The following PTCH1 variants were observed in gnomAD, a reference collection of about 807,000 sequenced individuals.
PTCH1 encodes the protein patched 1.
In PTCH1, 14 loss-of-function variants were observed where a neutral mutation model predicts 144.6. The ratio of observed to expected loss-of-function variants is 0.10; its 90% CI spans 0.06 to 0.15. The LOEUF is 0.15. Ranked by LOEUF, PTCH1 falls within the 10% of genes least tolerant of loss-of-function variation. PTCH1 has a pLI of 1.00. For missense variants in PTCH1, 1,623 were observed against 1,948.3 expected, an observed-to-expected ratio of 0.83 and a Z score of 3.14; for synonymous variants, 833 against 793.6, an observed-to-expected ratio of 1.05 and a Z score of -0.83.
rs1387715213 is a variant in PTCH1 at position 95,453,214 on chromosome 9, C to T, written c.3449+264G>A. 5 of 442,598 alleles carry T rather than the reference C, an allele frequency of 1.1e-5. No homozygotes were observed. The East Asian group carries it at 1.9e-4, about 17-fold the overall frequency. 27.4% of individuals were successfully genotyped at this position (442,598 alleles called of 1,614,324 possible). A position where few individuals can be genotyped will look rare whatever the true frequency, so the allele number is the denominator to read the frequency against. The stretch of plus-strand genomic sequence containing the variant: ...GTGGCGCAATCTCAGCTCACTGCAA[C>T]CTCCGCCTCCCGGGTTCGAGCAATT... On this transcript the variant is annotated intron_variant, in intron 20 of 23. Transcript: ENST00000331920.
At chr9:95,496,262 C>A (rs535531961) in intron 2 of PTCH1, among the ~76,000 whole-genome samples, 3 of 152,220 alleles carry the variant, frequency 2.0e-5, no homozygotes, top group Admixed American at 2.0e-4. Context: ...AGCAGTCCAG[C>A]GCCTCCCAAT....
At chr9:95,473,623 C>T (rs921685456) in intron 12 of PTCH1, among the ~76,000 whole-genome samples, 7 of 151,126 alleles carry the variant, frequency 4.6e-5, no homozygotes, top group Admixed American at 1.3e-4. Flanking sequence ...CAGCTCACCG[C>T]AACCTCCGCC....
At chr9:95,487,759 G>GCATGCA (rs1404715573) in intron 2 of PTCH1, among the ~76,000 whole-genome samples, 2 of 152,158 alleles carry the variant, frequency 1.3e-5, no homozygotes, top group Non-Finnish European at 2.9e-5. Context: ...TCGAACATCA[G>GCATGCA]CATGCACGTG....
intron 1 of PTCH1, chr9:95,507,896 G>T (rs1431978794): frequency 2.3e-6 from 3 of 1,289,170 alleles, no homozygotes; most frequent in Admixed American, 3.1e-5. Context: ...ACCAGGGAGG[G>T]CGTGTGTATA....
chr9:95,491,419 G>A (rs942701620), intron 2 of PTCH1, among the ~76,000 whole-genome samples: 2 of 152,180 alleles, frequency 1.3e-5, no homozygotes, highest in Non-Finnish European at 2.9e-5. Context: ...AACCTCACAG[G>A]ACTGTGAGAG....
chr9:95,460,014 C>T, intron 16 of PTCH1: 1 of 575,054 alleles, frequency 1.7e-6, no homozygotes, highest in South Asian at 1.9e-5. Context: ...TGCAGATGGC[C>T]CAGGAATTGG....
At chr9:95,490,520 G>GACACACAC (rs35550307) in intron 2 of PTCH1, among the ~76,000 whole-genome samples, 1,676 of 140,328 alleles carry the variant, frequency 0.012, 17 homozygotes, top group Non-Finnish European at 0.019. Flanking sequence ...CCTTCTATGT[G>GACACACAC]ACACACACAC....
Position 95,508,556 on chromosome 9 carries a change from C to A in PTCH1, c.-195G>T, listed in dbSNP as rs573719809. The stretch of plus-strand genomic sequence containing the variant: ...CTGCTCACACGGCGGGCGCTGCTGC[C>A]GCTGCGGCCGCGGCCGCTGCCGGGG... On this transcript the variant is annotated 5_prime_UTR_variant, in exon 1 of 24. Coordinates refer to ENST00000331920, the MANE Select transcript of PTCH1 (RefSeq NM_000264.5). 9.9e-7 allele frequency: 1 copy of A among 1,005,478 alleles called. No individual in the cohort carries two copies. Among genetic ancestry groups the A allele is most frequent in the South Asian group, 4.6e-5 (1 of 21,746 alleles). The allele number at this position is 1,005,478 out of a possible 1,614,324, so 62.3% of individuals were successfully genotyped here.
At chr9:95,492,747 G>A (rs1411223660) in intron 2 of PTCH1, among the ~76,000 whole-genome samples, 1 of 151,820 alleles carries the variant, frequency 6.6e-6, no homozygotes, top group Non-Finnish European at 1.5e-5. Flanking sequence ...CGTGAAATAT[G>A]ACAATAATCC....
upstream of PTCH1, among the ~76,000 whole-genome samples, chr9:95,510,900 A>C (rs1026596258): frequency 1.3e-5 from 2 of 150,112 alleles, no homozygotes; most frequent in African/African-American, 4.9e-5. Context: ...CGGCCGGGGC[A>C]GAGTAGGTAG....
rs1588504030 is a variant in PTCH1 at position 95,444,493 on chromosome 9, A to ACACACACGCACGCACG, written c.*1884_*1899dup. On this transcript the variant is annotated 3_prime_UTR_variant, in exon 24 of 24. Transcript: ENST00000331920. Reference sequence around the variant, plus strand: ...TGGCCAGGGTCCCCAGCAGAGACACACACACACGCACGCACGCACACACAC... The same window carrying ACACACACGCACGCACG: ...TGGCCAGGGTCCCCAGCAGAGACACACACACACGCACGCACGCACACACGCACGCACGCACACACAC... 3 of 144,546 alleles carry ACACACACGCACGCACG rather than the reference A, an allele frequency of 2.1e-5. No individual in the cohort carries two copies. In the South Asian group the frequency reaches 6.0e-4, roughly 29 times the overall value. The allele number at this position is 144,546 out of a possible 1,614,324, so 9.0% of individuals were successfully genotyped here.
At chr9:95,477,973 A>C in intron 9 of PTCH1, 82 bp downstream of exon 9, 1 of 1,599,998 alleles carries the variant, frequency 6.3e-7, no homozygotes, top group South Asian at 1.1e-5. Context: ...AGCAGTTAAG[A>C]AGCAGGAGCA....
intron 19 of PTCH1, among the ~76,000 whole-genome samples, chr9:95,454,243 C>T (rs1838724089): frequency 6.6e-6 from 1 of 152,234 alleles, no homozygotes; most frequent in Non-Finnish European, 1.5e-5. Context: ...CTGTTGATAA[C>T]TAAACGGGAA....
intron 12 of PTCH1, among the ~76,000 whole-genome samples, chr9:95,473,404 T>C (rs1372982197): frequency 3.9e-5 from 6 of 152,172 alleles, no homozygotes; most frequent in Non-Finnish European, 7.3e-5. Context: ...AACCTGATAC[T>C]GTTCATCAAT....
chr9:95,481,942 C>T lies in PTCH1; in HGVS notation c.746+7G>A, dbSNP rs369770500. 2.5e-6 allele frequency: 4 copies of T among 1,599,578 alleles called. No individual in the cohort carries two copies. Among genetic ancestry groups the T allele is most frequent in the Non-Finnish European group, 3.4e-6 (4 of 1,166,860 alleles). ...ACAGACATCAGAAAGCATGATCACA[C>T]ACTTACAGGAGGTATGCTGTCCCAG... On this transcript the variant is annotated splice_region_variant and intron_variant, in intron 5 of 23. Coordinates refer to ENST00000331920, the MANE Select transcript of PTCH1 (RefSeq NM_000264.5).
At chr9:95,484,455 T>C (rs1176380120) in intron 3 of PTCH1, 1 of 152,246 alleles carries the variant, frequency 6.6e-6, no homozygotes. Context: ...TGGCTGTGCT[T>C]GTCCCTAGGA....
intron 1 of PTCH1, chr9:95,507,920 G>T: frequency 1.0e-6 from 1 of 957,724 alleles, no homozygotes; most frequent in African/African-American, 2.4e-5. Context: ...ACACACACAC[G>T]CACACACACA....
intron 15 of PTCH1, among the ~76,000 whole-genome samples, chr9:95,463,873 C>T (rs542042526): frequency 1.3e-5 from 2 of 152,248 alleles, no homozygotes; most frequent in South Asian, 2.1e-4. Context: ...GCCTACAGTG[C>T]GGGGACACAC....
At chr9:95,509,486 G>A (rs1844025979), upstream of PTCH1, among the ~76,000 whole-genome samples, 1 of 152,192 alleles carries the variant, frequency 6.6e-6, no homozygotes. Flanking sequence ...CAGCCTCTGA[G>A]AGCGCCAACC....
Sources: gnomAD v4.1 joint callset for allele counts (sites outside exome capture counted in the v4.1 genomes callset) on GRCh38, gnomAD v4.1.1 for gene constraint, MANE v1.5 for transcripts, NCBI Gene and HGNC (gene_info 2026-07-23, HGNC 2026-07-21) for gene names.